PDE4D: variants seen among roughly 807,000 people sequenced by gnomAD.
The protein encoded by PDE4D is phosphodiesterase 4D.
PDE4D carries 24 observed loss-of-function variants against 87.4 expected under a neutral mutation model. The ratio of observed to expected loss-of-function variants is 0.27; its 90% CI spans 0.20 to 0.39. The LOEUF (loss-of-function observed/expected upper bound fraction) is 0.39. Ranked by LOEUF, PDE4D falls within the 10% of genes least tolerant of loss-of-function variation. PDE4D has a pLI of 1.00. For missense variants in PDE4D, 714 were observed against 1,041.0 expected (o/e 0.69, Z 4.32); for synonymous variants, 384 against 383.2 (o/e 1.00, Z -0.02).
intron 1 of PDE4D, among the ~76,000 whole-genome samples, chr5:59,557,063 G>C (rs1369310598): frequency 6.6e-6 from 1 of 152,042 alleles, no homozygotes; most frequent in Non-Finnish European, 1.5e-5. Context: ...AAAGGAATAC[G>C]AGTAAAATGA....
chr5:60,375,965 G>A (rs1381905284), intron 1 of PDE4D, among the ~76,000 whole-genome samples: 1 of 152,154 alleles, frequency 6.6e-6, no homozygotes, highest in African/African-American at 2.4e-5. Context: ...CTTGAACCTG[G>A]GAGGCGGAGG....
rs543775266 is a variant in PDE4D, at chr5:59,520,143, G to C, written c.456-304175C>G. Among the ~76,000 whole-genome samples the C allele has an allele frequency of 1.2e-4, 19 of 152,188 alleles. No homozygotes were observed. In the South Asian group the frequency reaches 3.9e-3, roughly 32 times the overall value. On this transcript the variant is annotated intron_variant, in intron 1 of 14. Transcript: ENST00000340635. ...CTGGGTGTGGTGGCCAGCACCTGTA[G>C]TCCCAGCTACTTCGAAGGCTAAGGC...
chr5:59,501,753 C>T (rs1808330562), intron 1 of PDE4D, among the ~76,000 whole-genome samples: 2 of 152,054 alleles, frequency 1.3e-5, no homozygotes, highest in Admixed American at 6.6e-5. Flanking sequence ...GAGACACTAC[C>T]TAACTACACT....
intron 12 of PDE4D, among the ~76,000 whole-genome samples, chr5:58,976,677 C>CAGAAAT (rs1743877067): frequency 6.6e-6 from 1 of 152,128 alleles, no homozygotes; most frequent in Non-Finnish European, 1.5e-5. Flanking sequence ...GTGTAATATA[C>CAGAAAT]AGAAATGCTA....
chr5:59,826,508 C>CTT (rs34797123), intron 1 of PDE4D, among the ~76,000 whole-genome samples: 172 of 149,538 alleles, frequency 1.2e-3, no homozygotes, highest in African/African-American at 3.8e-3. Context: ...AAATCGAGAA[C>CTT]TTTTTTTTTT....
chr5:59,895,173 C>T (rs1436871212), upstream of PDE4D, among the ~76,000 whole-genome samples: 1 of 152,168 alleles, frequency 6.6e-6, no homozygotes, highest in Non-Finnish European at 1.5e-5. Context: ...ACTCTCTAGA[C>T]TGCTGAAAAT....
chr5:60,216,842 T>C (rs1273323185), intron 1 of PDE4D, among the ~76,000 whole-genome samples: 1 of 152,050 alleles, frequency 6.6e-6, no homozygotes, highest in African/African-American at 2.4e-5. Flanking sequence ...ATAATAATAG[T>C]TGGATACTTT....
intron 1 of PDE4D, among the ~76,000 whole-genome samples, chr5:59,429,645 C>T (rs942489261): frequency 6.6e-6 from 1 of 152,040 alleles, no homozygotes; most frequent in African/African-American, 2.4e-5. Context: ...TTTATAAATG[C>T]TTCTGAAGTT....
chr5:59,893,870 G>C (rs997004380), upstream of PDE4D: 4 of 1,263,512 alleles, frequency 3.2e-6, no homozygotes, highest in Admixed American at 4.3e-5. Context: ...ACGCTCCCGG[G>C]CTCCCCAAGT....
At chr5:59,750,877 G>C (rs1760343563) in intron 1 of PDE4D, among the ~76,000 whole-genome samples, 1 of 150,216 alleles carries the variant, frequency 6.7e-6, no homozygotes, top group Non-Finnish European at 1.5e-5. Flanking sequence ...AAGAGGTCAA[G>C]GCTTAGGTGA....
At chr5:59,499,347 TAAAA>T (rs55735204) in intron 1 of PDE4D, among the ~76,000 whole-genome samples, 3 of 130,728 alleles carry the variant, frequency 2.3e-5, no homozygotes, top group Non-Finnish European at 3.3e-5. Context: ...AAATCGCACC[TAAAA>T]AAAAAAAAAA....
intron 6 of PDE4D, chr5:58,999,775 T>C: frequency 9.8e-7 from 1 of 1,021,480 alleles, no homozygotes; most frequent in Non-Finnish European, 1.2e-6. Context: ...ATTCAGCAAC[T>C]ATTCTGAATA....
At position 60,404,058 on chromosome 5, in the gene PDE4D, A is replaced by T. The variant is rs564886147; in HGVS notation, c.-90+83884T>A. On this transcript the variant is annotated intron_variant, in intron 1 of 16. Transcript: ENST00000502484. ...TGAGCGATTCTCCTCAGAAAGGAAGATCTAGGAAAAAGGAAGTTCTAGAAA... is the reference window on the plus strand; with the variant it reads ...TGAGCGATTCTCCTCAGAAAGGAAGTTCTAGGAAAAAGGAAGTTCTAGAAA... Among the ~76,000 whole-genome samples, 6 of 152,216 alleles carry T rather than the reference A, an allele frequency of 3.9e-5. No individual in the cohort carries two copies. In the East Asian group the frequency reaches 9.7e-4, roughly 25 times the overall value.
At chr5:60,051,567 TG>T (rs1217490339) in intron 2 of PDE4D, among the ~76,000 whole-genome samples, 18 of 152,256 alleles carry the variant, frequency 1.2e-4, no homozygotes, top group Admixed American at 3.9e-4. Flanking sequence ...TAGGACCAAA[TG>T]CCCACAGGAG....
intron 6 of PDE4D, among the ~76,000 whole-genome samples, chr5:59,008,184 C>G (rs1049538541): frequency 1.3e-5 from 2 of 151,946 alleles, no homozygotes; most frequent in Non-Finnish European, 2.9e-5. Flanking sequence ...ATAAATGAAG[C>G]CTCCACAAAA....
intron 2 of PDE4D, among the ~76,000 whole-genome samples, chr5:60,096,543 T>C (rs1401461630): frequency 6.6e-6 from 1 of 152,144 alleles, no homozygotes; most frequent in Admixed American, 6.5e-5. Context: ...AAGTTCACGA[T>C]ACATTAAGAA....
Position 60,464,851 on chromosome 5 carries a change from C to A in PDE4D, c.-90+23091G>T, listed in dbSNP as rs26952. ...GCATGGCAGCTCACACCTGTAATCCCAGTACTTTCGGAGGTCAAGGTGGGA... is the reference window on the plus strand; with the variant it reads ...GCATGGCAGCTCACACCTGTAATCCAAGTACTTTCGGAGGTCAAGGTGGGA... On this transcript the variant is annotated intron_variant, in intron 1 of 16. Transcript: ENST00000502484. 9.9e-3 allele frequency among the ~76,000 whole-genome samples: 1,501 copies of A among 152,252 alleles called. 76 individuals carry two copies. In the East Asian group the frequency reaches 0.14, roughly 15 times the overall value.
chr5:59,314,394 A>T (rs1465039108), intron 1 of PDE4D: 2 of 152,170 alleles, frequency 1.3e-5, no homozygotes, highest in African/African-American at 4.8e-5. Flanking sequence ...AGGGGCTGCC[A>T]TAGGATTAGC....
At chr5:59,450,163 T>A (rs935392589) in intron 1 of PDE4D, among the ~76,000 whole-genome samples, 2 of 152,208 alleles carry the variant, frequency 1.3e-5, no homozygotes, top group Non-Finnish European at 2.9e-5. Flanking sequence ...GCCAACTGAT[T>A]AGCATTTTTA....
Sources: allele counts gnomAD v4.1 joint callset (sites outside exome capture counted in the v4.1 genomes callset), GRCh38; gene constraint gnomAD v4.1.1; transcripts MANE v1.5; gene names NCBI Gene and HGNC (gene_info 2026-07-23, HGNC 2026-07-21).